Variants in LTK observed in about 807,000 individuals in gnomAD.
The protein encoded by LTK is leukocyte receptor tyrosine kinase, also known as leukocyte tyrosine kinase receptor.
Under a neutral mutation model 101.5 loss-of-function variants are expected in LTK, and 117 were observed. The ratio of observed to expected loss-of-function variants is 1.15; its 90% CI spans 0.99 to 1.34. The LOEUF (loss-of-function observed/expected upper bound fraction) is 1.34, where lower values mean the gene tolerates loss of function less well. Ranked by LOEUF, LTK falls within the 40% of genes most tolerant of loss-of-function variation. The pLI is 0.00. For missense variants in LTK, 1,252 were observed against 1,164.7 expected, an observed-to-expected ratio of 1.07 and a Z score of -1.09; for synonymous variants, 563 against 494.2, an observed-to-expected ratio of 1.14 and a Z score of -1.85.
chr15:41,503,956 C>T lies in LTK; in HGVS notation c.*40G>A. On this transcript the variant is annotated 3_prime_UTR_variant, in exon 20 of 20. Coordinates refer to ENST00000263800, the MANE Select transcript of LTK (RefSeq NM_002344.6). ...GAGCCTGAGGAGTATAGGGAGGGAC[C>T]CTCAGTGCCTCAGTCCTTACCCTCA... 6.5e-7 allele frequency: 1 copy of T among 1,543,466 alleles called. No homozygotes were observed. Among genetic ancestry groups the T allele is most frequent in the Non-Finnish European group, 8.7e-7 (1 of 1,148,732 alleles).
rs768003892 is a variant in LTK, at chr15:41,507,251, AGCC to A, written c.1382_1384del (p.Arg461_Leu462delinsMet). 1 of 1,608,748 alleles carries A rather than the reference AGCC, an allele frequency of 6.2e-7. No individual in the cohort carries two copies. The highest frequency in any genetic ancestry group is 8.5e-7 in the Non-Finnish European group (1 of 1,177,968). ...GCTCAGCTCAAGCTCAGGGCTCGGC[AGCC>A]TCATCTCCTGCAGGCCCTGCCACTT... On this transcript the variant is annotated inframe_deletion, in exon 11 of 20. Transcript: ENST00000263800.
intron 17 of LTK, 63 bp from the exon 18 acceptor site, chr15:41,504,703 G>T (rs170296): frequency 0.21 from 329,271 of 1,599,442 alleles, 36,878 homozygotes; most frequent in Non-Finnish European, 0.23. Flanking sequence ...CACATGAGGT[G>T]GCTGGAAAGG....
intron 8 of LTK, 152 bp downstream of exon 8, chr15:41,508,879 C>G (rs568264992): frequency 2.0e-6 from 1 of 507,998 alleles, no homozygotes; most frequent in Non-Finnish European, 3.5e-6. Context: ...ATGATGACAG[C>G]CCACTTTTCA....
intron 8 of LTK, among the ~76,000 whole-genome samples, chr15:41,508,523 C>T (rs983504014): frequency 5.3e-5 from 8 of 151,826 alleles, no homozygotes; most frequent in Non-Finnish European, 1.5e-5. Flanking sequence ...CACCACTGCA[C>T]TCCAGCCTGG....
intron 7 of LTK, among the ~76,000 whole-genome samples, chr15:41,510,828 C>T (rs571863828): frequency 6.6e-6 from 1 of 152,314 alleles, no homozygotes; most frequent in South Asian, 2.1e-4. Flanking sequence ...ACTTTGAGAA[C>T]CACTGACTTA....
chr15:41,512,948 G>GA, intron 2 of LTK, 29 bp downstream of exon 2: 1 of 1,613,008 alleles, frequency 6.2e-7, no homozygotes, highest in Non-Finnish European at 8.5e-7. Context: ...TATGGTGAGC[G>GA]AAAGAGGAAG....
At chr15:41,504,741 A>AGGG (rs1165711558) in intron 17 of LTK, 32 bp downstream of exon 17, 1 of 1,479,582 alleles carries the variant, frequency 6.8e-7, no homozygotes, top group African/African-American at 1.5e-5. Context: ...GGAGGGGAAC[A>AGGG]GTGGGGAAGG....
Position 41,507,571 on chromosome 15 carries a change from G to A in LTK, c.1336C>T (p.Leu446=), listed in dbSNP as rs764221830. Reference sequence around the variant, plus strand: ...GCTAGACGCTTCGTACCCAGAATCAGGACCCCACACACCATAAGGAGGCTC... The same window carrying A: ...GCTAGACGCTTCGTACCCAGAATCAAGACCCCACACACCATAAGGAGGCTC... ...TLSLLMVCGV[L]ILVKQKKWQG... The change falls in exon 10 of 20, where the codon CTG becomes TTG. Residue 446 remains leucine (L), a synonymous_variant. Transcript: ENST00000263800. 8.7e-6 allele frequency: 14 copies of A among 1,613,686 alleles called. No homozygotes were observed. The highest frequency in any genetic ancestry group is 1.0e-5 in the Non-Finnish European group (12 of 1,179,960).
chr15:41,513,173 A>G, intron 1 of LTK, 53 bp from the exon 2 acceptor site: 1 of 1,520,080 alleles, frequency 6.6e-7, no homozygotes, highest in Non-Finnish European at 8.8e-7. Context: ...GAAATAGGAT[A>G]TGAAAGAAAG....
intron 3 of LTK, 99 bp downstream of exon 3, chr15:41,512,608 T>A (rs2051519824): frequency 7.2e-7 from 1 of 1,388,636 alleles, no homozygotes; most frequent in African/African-American, 1.5e-5. Flanking sequence ...CGCGGAATAG[T>A]CCAAGACGCA....
chr15:41,504,921 CGGGGAAAACCCCCTTG>C, intron 16 of LTK, 35 bp downstream of exon 16: 2 of 1,595,244 alleles, frequency 1.3e-6, no homozygotes, highest in Non-Finnish European at 1.7e-6. Context: ...CACCAAGGTG[CGGGGAAAACCCCCTTG>C]GAGCAAGAGC....
rs1224128081 is a variant in LTK at position 41,511,620 on chromosome 15, G to A, written c.658-42C>T. 2 of 1,421,994 alleles carry A rather than the reference G, an allele frequency of 1.4e-6. No individual in the cohort carries two copies. The highest frequency in any genetic ancestry group is 2.0e-4 in the Middle Eastern group (1 of 5,112). 88.1% of individuals were successfully genotyped at this position (1,421,994 alleles called of 1,614,324 possible). A position where few individuals can be genotyped will look rare whatever the true frequency, so the allele number is the denominator to read the frequency against. On this transcript the variant is annotated intron_variant, in intron 5 of 19. Coordinates refer to ENST00000263800, the MANE Select transcript of LTK (RefSeq NM_002344.6). The surrounding 1 kb of genome is among the most constrained non-coding windows in gnomAD (Gnocchi z 5.9). The stretch of plus-strand genomic sequence containing the variant: ...GTGTTCCAGGAAGCGCCCTCCAGCT[G>A]TCCAGGGGCACTGCCACTGGGAGAG...
chr15:41,504,733 A>C (rs781684523), intron 17 of LTK, 40 bp downstream of exon 17: 1 of 1,500,276 alleles, frequency 6.7e-7, no homozygotes, highest in Admixed American at 1.7e-5. Flanking sequence ...GCCTCAGGGG[A>C]GGGGAACAGT....
Position 41,513,722 on chromosome 15 carries a change from C to T in LTK, c.-13G>A. The T allele has an allele frequency of 6.2e-7, 1 of 1,608,200 alleles. No homozygotes were observed. The highest frequency in any genetic ancestry group is 8.5e-7 in the Non-Finnish European group (1 of 1,176,788). On this transcript the variant is annotated 5_prime_UTR_variant, in exon 1 of 20. Transcript: ENST00000263800. ...CCCAGCAGCCCATCCCTGTTGGGTC[C>T]ACCCGGCAACAAAAGCCCTTGCGGT...
intron 7 of LTK, among the ~76,000 whole-genome samples, chr15:41,510,703 C>T (rs1034174805): frequency 6.6e-6 from 1 of 152,176 alleles, no homozygotes; most frequent in Admixed American, 6.5e-5. Context: ...TCAGGTGATC[C>T]ACCTGCCTTG....
At position 41,503,775 on chromosome 15, in the gene LTK, A is replaced by G; in HGVS notation, c.*221T>C. 1 of 625,852 alleles carries G rather than the reference A, an allele frequency of 1.6e-6. No individual in the cohort carries two copies. The highest frequency in any genetic ancestry group is 2.8e-6 in the Non-Finnish European group (1 of 353,254). The allele number at this position is 625,852 out of a possible 1,614,324, so 38.8% of individuals were successfully genotyped here. Reference sequence around the variant, plus strand: ...GTGTGTAAGGCGGCCTCTGGCCCCAAGATCAAAAGCTGGAAGTGGCTGGGC... The same window carrying G: ...GTGTGTAAGGCGGCCTCTGGCCCCAGGATCAAAAGCTGGAAGTGGCTGGGC... On this transcript the variant is annotated 3_prime_UTR_variant, in exon 20 of 20. Coordinates refer to ENST00000263800, the MANE Select transcript of LTK (RefSeq NM_002344.6).
chr15:41,504,213 A>G lies in LTK; in HGVS notation c.2378T>C (p.Met793Thr). 1.2e-6 allele frequency: 2 copies of G among 1,611,156 alleles called. No individual in the cohort carries two copies. Among genetic ancestry groups the G allele is most frequent in the Non-Finnish European group, 1.7e-6 (2 of 1,178,092 alleles). ...CTCCTCTGGGGTGGGCCCCAGCTCC[A>G]TTGGCAGGAGTGAATTCAGCACATC... ...DPDVLNSLLPMELGPTPEEEG... is the reference protein window; with the variant it reads ...DPDVLNSLLPTELGPTPEEEG... Residue 793 changes from methionine (M) to threonine (T), a missense_variant, in exon 20 of 20, where the codon ATG (methionine) becomes ACG (threonine). Met to Thr is a moderately conservative substitution (Grantham distance 81). Transcript: ENST00000263800.
chr15:41,511,567 G>A lies in LTK; in HGVS notation c.669C>T (p.Gly223=). 1 of 1,446,004 alleles carries A rather than the reference G, an allele frequency of 6.9e-7. No homozygotes were observed. Among genetic ancestry groups the A allele is most frequent in the South Asian group, 1.5e-5 (1 of 67,700 alleles). The allele number at this position is 1,446,004 out of a possible 1,614,324, so 89.6% of individuals were successfully genotyped here. A position where few individuals can be genotyped will look rare whatever the true frequency, so the allele number is the denominator to read the frequency against. ...CCGCCACCAGCAACGGTTCCAGCTC[G>A]CCAGCGCGCACCTGTGGGGCCAGCG... ...GATYVFRVRA[G]ELEPLLVAAG... Residue 223 remains glycine, a synonymous_variant, in exon 6 of 20, where the codon GGC becomes GGT. Coordinates refer to ENST00000263800, the MANE Select transcript of LTK (RefSeq NM_002344.6). The surrounding 1 kb of genome is among the most constrained non-coding windows in gnomAD (Gnocchi z 5.9).
At chr15:41,506,910 C>T (rs772972289) in intron 11 of LTK, among the ~76,000 whole-genome samples, 185 bp downstream of exon 11, 12 of 152,192 alleles carry the variant, frequency 7.9e-5, no homozygotes, top group Non-Finnish European at 1.5e-4. Context: ...ATTCTAAGAA[C>T]TGGGACGGAG....
Sources: gnomAD v4.1 joint callset for allele counts (sites outside exome capture counted in the v4.1 genomes callset) on GRCh38, gnomAD v4.1.1 for gene constraint, Gnocchi (gnomAD v3.1) non-coding constraint, MANE v1.5 for transcripts, NCBI Gene and HGNC (gene_info 2026-07-23, HGNC 2026-07-21) for gene names.